Variants in EYS observed in about 807,000 individuals in gnomAD.
EYS encodes the protein EGF-like photoreceptor maintenance factor, also known as protein eyes shut homolog.
A neutral mutation model predicts 282.1 loss-of-function variants in EYS; 250 were observed. That is an observed-to-expected ratio of 0.89 (90% CI 0.80 to 0.98). The LOEUF is 0.98. Among genes scored for constraint, EYS ranks in the 50% least tolerant of loss-of-function variants. The pLI, the probability that EYS is intolerant of heterozygous loss-of-function variation, is 0.00. For synonymous variants in EYS, 1,355 were observed against 1,282.9 expected, an observed-to-expected ratio of 1.06 and a Z score of -1.20; for missense variants, 4,016 against 3,709.0, an observed-to-expected ratio of 1.08 and a Z score of -2.15.
chr6:65,598,482 A>T (rs1765492521), intron 2 of EYS, among the ~76,000 whole-genome samples: 1 of 152,046 alleles, frequency 6.6e-6, no homozygotes, highest in Non-Finnish European at 1.5e-5. Context: ...CATATGAACC[A>T]AGTAATCACA....
chr6:64,953,143 C>T lies in EYS; in HGVS notation c.2260-7229G>A, dbSNP rs183210539. ...GATTAAAATCCCCATTGAAAGAAAACTTGGATTGCTTCCATTTTGAAAAGT... is the reference window on the plus strand; with the variant it reads ...GATTAAAATCCCCATTGAAAGAAAATTTGGATTGCTTCCATTTTGAAAAGT... On this transcript the variant is annotated intron_variant, in intron 14 of 42. Transcript: ENST00000503581. Among the ~76,000 whole-genome samples the T allele has an allele frequency of 1.1e-3, 163 of 151,878 alleles. 1 individual carries two copies. The Middle Eastern group carries it at 0.019, about 18-fold the overall frequency.
At chr6:65,365,058 T>C (rs1764864742) in intron 8 of EYS, among the ~76,000 whole-genome samples, 1 of 151,574 alleles carries the variant, frequency 6.6e-6, no homozygotes, top group African/African-American at 2.4e-5. Flanking sequence ...TCATCCTAAC[T>C]CTGAAGAGCA....
intron 31 of EYS, among the ~76,000 whole-genome samples, chr6:64,198,483 C>T (rs1036467390): frequency 6.6e-6 from 1 of 152,078 alleles, no homozygotes; most frequent in African/African-American, 2.4e-5. Flanking sequence ...CCTGGCCCCC[C>T]ACTCCCCAAC....
chr6:64,987,748 A>G (rs1770909973), intron 14 of EYS, among the ~76,000 whole-genome samples: 2 of 151,554 alleles, frequency 1.3e-5, no homozygotes, highest in South Asian at 4.1e-4. Flanking sequence ...TATAAAAGAC[A>G]TCCTGGAAAG....
chr6:63,925,800 C>A (rs566788638), intron 35 of EYS, among the ~76,000 whole-genome samples: 1 of 152,154 alleles, frequency 6.6e-6, no homozygotes, highest in Non-Finnish European at 1.5e-5. Flanking sequence ...CGTGGCACCA[C>A]GCCTGGCTAA....
In EYS at chr6:65,360,859, A is replaced by G. The variant is rs117421678; in HGVS notation, c.1300-7242T>C. ...ACAATGGGAACAGAAAGGAAGAAGT[A>G]GTCGACATAATCACAAATGTTGTGA... On this transcript the variant is annotated intron_variant, in intron 8 of 42. Coordinates refer to ENST00000503581, the MANE Select transcript of EYS (RefSeq NM_001142800.2). Among the ~76,000 whole-genome samples the G allele has an allele frequency of 4.9e-4, 75 of 152,218 alleles. 1 individual carries two copies. In the East Asian group the frequency reaches 0.011, roughly 22 times the overall value.
At chr6:63,790,379 T>C (rs1419335653) in intron 37 of EYS, among the ~76,000 whole-genome samples, 3 of 152,296 alleles carry the variant, frequency 2.0e-5, no homozygotes, top group Non-Finnish European at 2.9e-5. Context: ...TTAGAGATAC[T>C]TGAACGCTGC....
intron 35 of EYS, among the ~76,000 whole-genome samples, chr6:63,880,479 G>GTA (rs1176042609): frequency 3.5e-4 from 43 of 124,284 alleles, no homozygotes; most frequent in African/African-American, 8.4e-4. Context: ...CTGTCTGTCT[G>GTA]TCTGTCTGTA....
In EYS at chr6:64,627,672, G is replaced by C. The variant is rs552052019; in HGVS notation, c.3444-1427C>G. ...TAAGTTCTGTTTTTCACTGCAACTGGGTCTGCCCGGCTGAAGCTAGGTAAC... is the reference window on the plus strand; with the variant it reads ...TAAGTTCTGTTTTTCACTGCAACTGCGTCTGCCCGGCTGAAGCTAGGTAAC... On this transcript the variant is annotated intron_variant, in intron 22 of 42. Coordinates refer to ENST00000503581, the MANE Select transcript of EYS (RefSeq NM_001142800.2). Among the ~76,000 whole-genome samples, 12 of 152,256 alleles carry C rather than the reference G, an allele frequency of 7.9e-5. No individual in the cohort carries two copies. The East Asian group carries it at 2.1e-3, about 27-fold the overall frequency.
chr6:64,944,523 C>T (rs1583317444), intron 15 of EYS, among the ~76,000 whole-genome samples: 3 of 151,950 alleles, frequency 2.0e-5, no homozygotes, highest in South Asian at 2.1e-4. Context: ...TGTGGAAAGC[C>T]GTAGGGACCT....
intron 5 of EYS, among the ~76,000 whole-genome samples, chr6:65,468,973 T>C (rs1385031856): frequency 6.6e-6 from 1 of 152,098 alleles, no homozygotes; most frequent in Non-Finnish European, 1.5e-5. Flanking sequence ...TTTCTTTACT[T>C]CTTTGATCTA....
In EYS at chr6:64,821,657, C is replaced by T. The variant is rs1764902221; in HGVS notation, c.3231G>A (p.Lys1077=). The change falls in exon 21 of 43, where the codon AAG becomes AAA. Residue 1077 remains lysine, a synonymous_variant. Coordinates refer to ENST00000503581, the MANE Select transcript of EYS (RefSeq NM_001142800.2). ...CDADGTSTQC[K]IKINDCTSIP... is the part of the protein sequence containing the mutation. The stretch of plus-strand genomic sequence containing the variant: ...TTATAAGACTTACATTAATTTTGAT[C>T]TTACATTGTGTGCTAGTCCCATCTG... The T allele has an allele frequency of 1.0e-5, 15 of 1,485,672 alleles. No individual in the cohort carries two copies. The highest frequency in any genetic ancestry group is 2.1e-5 in the Admixed American group (1 of 46,522). The allele number at this position is 1,485,672 out of a possible 1,614,324, so 92.0% of individuals were successfully genotyped here.
At chr6:64,676,938 A>C (rs1386120357) in intron 22 of EYS, among the ~76,000 whole-genome samples, 1 of 152,166 alleles carries the variant, frequency 6.6e-6, no homozygotes, top group Non-Finnish European at 1.5e-5. Context: ...TCAACGTATG[A>C]ATTTTGAGTG....
At chr6:64,150,992 CT>C (rs1295925841) in intron 31 of EYS, among the ~76,000 whole-genome samples, 1 of 152,022 alleles carries the variant, frequency 6.6e-6, no homozygotes, top group Admixed American at 6.6e-5. Context: ...TCTATGCACA[CT>C]TAAAATGATT....
intron 33 of EYS, among the ~76,000 whole-genome samples, chr6:64,015,661 TG>T (rs1344072949): frequency 1.3e-5 from 2 of 152,078 alleles, no homozygotes; most frequent in East Asian, 3.8e-4. Flanking sequence ...TAGGTGATGG[TG>T]AGGTGAAGGT....
chr6:65,380,810 T>C (rs2150349099), intron 8 of EYS, among the ~76,000 whole-genome samples: 1 of 152,162 alleles, frequency 6.6e-6, no homozygotes, highest in South Asian at 2.1e-4. Flanking sequence ...GGGCAAAGTT[T>C]ATCAACAGAC....
chr6:64,504,486 T>C (rs1389626679), intron 26 of EYS, among the ~76,000 whole-genome samples: 1 of 152,162 alleles, frequency 6.6e-6, no homozygotes, highest in South Asian at 2.1e-4. Context: ...CAAAGAAATA[T>C]TGGCCGACTA....
intron 31 of EYS, among the ~76,000 whole-genome samples, chr6:64,101,416 T>C (rs1179666677): frequency 2.0e-5 from 3 of 152,148 alleles, no homozygotes; most frequent in Admixed American, 6.5e-5. Context: ...ATAGAATAAA[T>C]AATGGTTTCT....
At chr6:65,567,011 G>T (rs969002336) in intron 2 of EYS, among the ~76,000 whole-genome samples, 5 of 152,172 alleles carry the variant, frequency 3.3e-5, no homozygotes, top group African/African-American at 1.2e-4. Flanking sequence ...AGTGTTGGTA[G>T]ATGGGGCCAA....
Sources: gnomAD v4.1 joint callset for allele counts (sites outside exome capture counted in the v4.1 genomes callset) on GRCh38, gnomAD v4.1.1 for gene constraint, MANE v1.5 for transcripts, NCBI Gene and HGNC (gene_info 2026-07-23, HGNC 2026-07-21) for gene names.